Variants in CLIP2 observed in about 807,000 individuals in gnomAD.
CLIP2 encodes the protein CAP-Gly domain containing linker protein 2.
CLIP2 carries 41 observed loss-of-function variants against 111.7 expected under a neutral mutation model. The observed-to-expected ratio is 0.37, with a 90% CI of 0.29 to 0.48. The LOEUF (loss-of-function observed/expected upper bound fraction) is 0.48. CLIP2 is among the 20% of genes least tolerant of loss of function. The pLI is 0.99. For missense variants in CLIP2, 1,160 were observed against 1,422.1 expected, an observed-to-expected ratio of 0.82 and a Z score of 2.96; for synonymous variants, 660 against 644.2, an observed-to-expected ratio of 1.02 and a Z score of -0.37.
chr7:74,341,089 C>G (rs145867233), intron 3 of CLIP2, among the ~76,000 whole-genome samples: 2 of 152,058 alleles, frequency 1.3e-5, no homozygotes, highest in Non-Finnish European at 2.9e-5. Flanking sequence ...CCCATGGCCC[C>G]GTTGAATCTT....
intron 3 of CLIP2, among the ~76,000 whole-genome samples, chr7:74,353,158 A>G (rs563702867): frequency 1.6e-4 from 25 of 152,120 alleles, no homozygotes; most frequent in Non-Finnish European, 3.2e-4. Context: ...CTCAAAAAAA[A>G]AAGAAAAAGA....
chr7:74,309,970 G>T (rs1047928112), intron 1 of CLIP2, among the ~76,000 whole-genome samples: 47 of 139,956 alleles, frequency 3.4e-4, no homozygotes, highest in African/African-American at 1.1e-3. Flanking sequence ...AGGCTGAGGT[G>T]GGGGGAATTG....
At chr7:74,372,401 T>TGGG (rs797027650) in intron 8 of CLIP2, among the ~76,000 whole-genome samples, 7 of 13,406 alleles carry the variant, frequency 5.2e-4, no homozygotes, top group Admixed American at 9.7e-4. Flanking sequence ...AGCACAGGCC[T>TGGG]TGGGGGGGGG....
chr7:74,304,065 C>T (rs229889), intron 1 of CLIP2, among the ~76,000 whole-genome samples: 89,499 of 150,534 alleles, frequency 0.59, 29,358 homozygotes, highest in Non-Finnish European at 0.75. Flanking sequence ...AGGTGTGTGT[C>T]ACCATGCCTG....
At chr7:74,398,692 T>C (rs936656803) in intron 14 of CLIP2, among the ~76,000 whole-genome samples, 1 of 152,244 alleles carries the variant, frequency 6.6e-6, no homozygotes. Flanking sequence ...AGCATCACTC[T>C]GGCCACACAC....
At chr7:74,373,629 C>T (rs782671187) in intron 9 of CLIP2, among the ~76,000 whole-genome samples, 1 of 152,124 alleles carries the variant, frequency 6.6e-6, no homozygotes, top group Non-Finnish European at 1.5e-5. Flanking sequence ...CAGCTGAGAA[C>T]GTCCTGTGAG....
At chr7:74,334,239 G>GTTT (rs1564046458) in intron 2 of CLIP2, among the ~76,000 whole-genome samples, 1 of 152,202 alleles carries the variant, frequency 6.6e-6, no homozygotes, top group East Asian at 1.9e-4. Context: ...TTTGATGAGC[G>GTTT]TTTTGTCCCT....
At chr7:74,381,210 G>A (rs1311255286) in intron 11 of CLIP2, among the ~76,000 whole-genome samples, 2 of 151,180 alleles carry the variant, frequency 1.3e-5, no homozygotes, top group Non-Finnish European at 2.9e-5. Context: ...ATTTATTTTA[G>A]ACGGAGTTTC....
intron 1 of CLIP2, among the ~76,000 whole-genome samples, chr7:74,314,328 A>C (rs934332320): frequency 5.9e-5 from 9 of 151,958 alleles, no homozygotes; most frequent in Non-Finnish European, 1.3e-4. Flanking sequence ...CCACATCTAC[A>C]AAAAATACAA....
rs150418505 is a variant in CLIP2, at chr7:74,338,485, C to T, written c.159C>T (p.Ser53=). The part of the protein sequence containing the change: ...PLHKQSSGPS[S]SPAAAAAPEK... The stretch of plus-strand genomic sequence containing the variant: ...ACAAACAGTCATCTGGACCCTCCTC[C>T]TCCCCGGCCGCAGCTGCTGCCCCCG... Residue 53 remains serine, a synonymous_variant, in exon 3 of 17, where the codon TCC becomes TCT. Transcript: ENST00000223398. The surrounding 1 kb of genome is among the most constrained non-coding windows in gnomAD (Gnocchi z 4.3). The T allele has an allele frequency of 3.7e-6, 6 of 1,612,496 alleles. No homozygotes were observed. The African/African-American group carries it at 5.3e-5, about 14-fold the overall frequency.
Position 74,293,564 on chromosome 7 carries a change from G to A in CLIP2, c.-68+3830G>A, listed in dbSNP as rs568164615. 3.9e-5 allele frequency among the ~76,000 whole-genome samples: 6 copies of A among 152,286 alleles called. No homozygotes were observed. The South Asian group carries it at 6.2e-4, about 16-fold the overall frequency. ...CTCGGCTAGTGGGGGGGCAGGTCAC[G>A]TGGTCTCTGGGGCTGGCACAGTTGG... On this transcript the variant is annotated intron_variant, in intron 1 of 16. Transcript: ENST00000223398.
At chr7:74,401,804 G>A (rs1351612843) in intron 16 of CLIP2, 2 of 636,870 alleles carry the variant, frequency 3.1e-6, no homozygotes, top group East Asian at 3.0e-5. Flanking sequence ...AGTGGCCCAC[G>A]CCTGTAACCC....
In CLIP2 at chr7:74,397,085, A is replaced by G. The variant is rs782478535; in HGVS notation, c.2732A>G (p.Glu911Gly). 4.3e-6 allele frequency: 7 copies of G among 1,613,632 alleles called. No individual in the cohort carries two copies. The highest frequency in any genetic ancestry group is 5.9e-6 in the Non-Finnish European group (7 of 1,179,844). ...CGCCTCACCCCCAGGAGCCTGAACGAACTGCGGGTGTTGCTGCTGGAGGCC... is the reference window on the plus strand; with the variant it reads ...CGCCTCACCCCCAGGAGCCTGAACGGACTGCGGGTGTTGCTGCTGGAGGCC... ...ELLRKERSLN[E>G]LRVLLLEANR... The change falls in exon 14 of 17, where the codon GAA becomes GGA. Residue 911 changes from glutamate (E) to glycine (G), a missense_variant. Physicochemically the swap from Glu to Gly is moderately conservative, Grantham distance 98. Coordinates refer to ENST00000223398, the MANE Select transcript of CLIP2 (RefSeq NM_003388.5).
chr7:74,316,650 C>T (rs1554729174), intron 1 of CLIP2, among the ~76,000 whole-genome samples: 2 of 151,894 alleles, frequency 1.3e-5, no homozygotes, highest in African/African-American at 4.8e-5. Flanking sequence ...CAACCACCGC[C>T]TCCTGGGTTC....
At chr7:74,301,549 ATTT>A (rs56384152) in intron 1 of CLIP2, among the ~76,000 whole-genome samples, 3 of 144,464 alleles carry the variant, frequency 2.1e-5, no homozygotes, top group African/African-American at 5.1e-5. Flanking sequence ...TGCCCGGCTA[ATTT>A]TTTTTTTTTT....
intron 1 of CLIP2, among the ~76,000 whole-genome samples, chr7:74,291,332 A>G (rs527933185): frequency 2.0e-5 from 3 of 152,144 alleles, no homozygotes; most frequent in African/African-American, 7.2e-5. Context: ...GGAATTCTGC[A>G]CTCAGAGCCC....
intron 2 of CLIP2, among the ~76,000 whole-genome samples, chr7:74,323,155 G>GT (rs1789009346): frequency 6.6e-6 from 1 of 151,320 alleles, no homozygotes; most frequent in Non-Finnish European, 1.5e-5. Flanking sequence ...CTGTTGCCCA[G>GT]GCTGGAGTGC....
chr7:74,402,240 T>C (rs190985881), intron 16 of CLIP2, among the ~76,000 whole-genome samples: 1 of 140,364 alleles, frequency 7.1e-6, no homozygotes, highest in Non-Finnish European at 1.5e-5. Flanking sequence ...TGAGGCAGGA[T>C]AATGGCATGA....
At chr7:74,291,880 C>T (rs1208415824) in intron 1 of CLIP2, among the ~76,000 whole-genome samples, 1 of 151,928 alleles carries the variant, frequency 6.6e-6, no homozygotes, top group African/African-American at 2.4e-5. Context: ...TCCCTCTTGG[C>T]CTCCCCTCCT....
Sources: gnomAD v4.1 joint callset for allele counts (sites outside exome capture counted in the v4.1 genomes callset) on GRCh38, gnomAD v4.1.1 for gene constraint, Gnocchi (gnomAD v3.1) non-coding constraint, MANE v1.5 for transcripts, NCBI Gene and HGNC (gene_info 2026-07-23, HGNC 2026-07-21) for gene names.